NUDT3: variants seen among roughly 807,000 people sequenced by gnomAD.
NUDT3 encodes nudix hydrolase 3, also known as diphosphoinositol polyphosphate phosphohydrolase 1.
Under a neutral mutation model 23.6 loss-of-function variants are expected in NUDT3, and 9 were observed. The observed-to-expected ratio is 0.38, with a 90% confidence interval of 0.23 to 0.66. The LOEUF is 0.66. Among genes scored for constraint, NUDT3 ranks in the 30% least tolerant of loss-of-function variants. NUDT3 has a pLI of 0.52. For synonymous variants in NUDT3, 86 were observed against 82.6 expected (o/e 1.04, Z -0.22); for missense variants, 172 against 218.5 (o/e 0.79, Z 1.34).
intron 1 of NUDT3, among the ~76,000 whole-genome samples, chr6:34,385,968 G>GC (rs1765098645): frequency 6.6e-6 from 1 of 152,234 alleles, no homozygotes; most frequent in Admixed American, 6.5e-5. Context: ...ATAGGCGTGA[G>GC]CCACCATGCT....
intron 1 of NUDT3, among the ~76,000 whole-genome samples, chr6:34,373,280 A>AG (rs1764864690): frequency 1.0e-5 from 1 of 100,216 alleles, no homozygotes; most frequent in South Asian, 3.3e-4. Flanking sequence ...CTCCGTCTCA[A>AG]AAAAAAAAAA....
At chr6:34,340,124 T>C (rs927046581) in intron 2 of NUDT3, among the ~76,000 whole-genome samples, 1 of 152,090 alleles carries the variant, frequency 6.6e-6, no homozygotes, top group African/African-American at 2.4e-5. Context: ...TTGAAAAGAA[T>C]GTGTAAGGAT....
intron 1 of NUDT3, among the ~76,000 whole-genome samples, chr6:34,366,467 AGAGGGAAGGGAGG>A (rs1764733156): frequency 1.2e-5 from 1 of 82,784 alleles, no homozygotes; most frequent in Admixed American, 1.8e-4. Flanking sequence ...AGAAAGAGAG[AGAGGGAAGGGAGG>A]GAGGGAGGGA....
chr6:34,321,693 C>G (rs1763944917), intron 2 of NUDT3, among the ~76,000 whole-genome samples: 1 of 152,126 alleles, frequency 6.6e-6, no homozygotes. Context: ...ATGCAAGTCA[C>G]TGAGCAGTAC....
At chr6:34,337,609 T>A (rs565665424) in intron 2 of NUDT3, among the ~76,000 whole-genome samples, 1 of 152,336 alleles carries the variant, frequency 6.6e-6, no homozygotes, top group East Asian at 1.9e-4. Flanking sequence ...GTTGCAAACA[T>A]CTGGTTTTCT....
At chr6:34,366,698 C>T (rs1456628664) in intron 1 of NUDT3, among the ~76,000 whole-genome samples, 1 of 151,896 alleles carries the variant, frequency 6.6e-6, no homozygotes, top group African/African-American at 2.4e-5. Flanking sequence ...GCTAGGACTG[C>T]AACGTGTGCC....
At chr6:34,298,338 GGC>G (rs1763546527) in intron 2 of NUDT3, among the ~76,000 whole-genome samples, 1 of 151,994 alleles carries the variant, frequency 6.6e-6, no homozygotes, top group Admixed American at 6.6e-5. Flanking sequence ...TTCCAGCCTG[GGC>G]AACAGAGACA....
intron 2 of NUDT3, among the ~76,000 whole-genome samples, chr6:34,328,507 C>A (rs1390581061): frequency 6.6e-6 from 1 of 152,134 alleles, no homozygotes; most frequent in Non-Finnish European, 1.5e-5. Flanking sequence ...TGCATATTAT[C>A]CTAATTCAAG....
At chr6:34,299,900 C>CAA (rs527665276) in intron 2 of NUDT3, among the ~76,000 whole-genome samples, 1 of 133,410 alleles carries the variant, frequency 7.5e-6, no homozygotes, top group Non-Finnish European at 1.6e-5. Context: ...GAGACTGTCT[C>CAA]AAAAAAAAAA....
intron 1 of NUDT3, among the ~76,000 whole-genome samples, chr6:34,344,763 T>C (rs1005306223): frequency 6.6e-5 from 10 of 151,894 alleles, no homozygotes; most frequent in African/African-American, 2.4e-4. Context: ...GCCATTCTCC[T>C]GCCTCAGCCT....
At chr6:34,306,603 C>T (rs959389011) in intron 2 of NUDT3, among the ~76,000 whole-genome samples, 4 of 152,224 alleles carry the variant, frequency 2.6e-5, no homozygotes, top group African/African-American at 9.6e-5. Context: ...CATTTCATTT[C>T]GCAGAAGGCG....
At position 34,392,572 on chromosome 6, in the gene NUDT3, C is replaced by A; in HGVS notation, c.-210G>T. 1 of 353,104 alleles carries A rather than the reference C, an allele frequency of 2.8e-6. No homozygotes were observed. The highest frequency in any genetic ancestry group is 7.8e-4 in the Middle Eastern group (1 of 1,276). The allele number at this position is 353,104 out of a possible 1,614,324, so 21.9% of individuals were successfully genotyped here. On this transcript the variant is annotated 5_prime_UTR_variant, in exon 1 of 5. Transcript: ENST00000607016. ...CGCGCCGCCGCTGCCACCGTCACGG[C>A]TGCCGTCTCCGCTGCCGCCAGGGCC...
At chr6:34,368,489 T>C (rs1218203111) in intron 1 of NUDT3, among the ~76,000 whole-genome samples, 1 of 152,206 alleles carries the variant, frequency 6.6e-6, no homozygotes, top group African/African-American at 2.4e-5. Flanking sequence ...AAGTCTGGTT[T>C]ATTTGGCTGT....
intron 2 of NUDT3, among the ~76,000 whole-genome samples, chr6:34,310,131 G>A (rs1763748758): frequency 6.6e-6 from 1 of 152,146 alleles, no homozygotes; most frequent in Admixed American, 6.5e-5. Context: ...TACTCAGGAG[G>A]CTGAGGCTGG....
intron 2 of NUDT3, among the ~76,000 whole-genome samples, chr6:34,339,102 G>A (rs1431564742): frequency 2.0e-5 from 3 of 152,108 alleles, no homozygotes; most frequent in African/African-American, 7.2e-5. Context: ...TAACACTATA[G>A]CTGCCAATTC....
chr6:34,356,321 TC>T (rs1764560743), intron 1 of NUDT3, among the ~76,000 whole-genome samples: 1 of 152,228 alleles, frequency 6.6e-6, no homozygotes, highest in African/African-American at 2.4e-5. Flanking sequence ...TTATAGTTGT[TC>T]ACAATATTCC....
chr6:34,323,818 G>T (rs1349791438), intron 2 of NUDT3, among the ~76,000 whole-genome samples: 1 of 152,106 alleles, frequency 6.6e-6, no homozygotes, highest in Non-Finnish European at 1.5e-5. Flanking sequence ...TACTATTTTT[G>T]AATTTTTCTT....
chr6:34,391,902 A>C (rs557722196), intron 1 of NUDT3, among the ~76,000 whole-genome samples: 1 of 151,900 alleles, frequency 6.6e-6, no homozygotes, highest in South Asian at 2.1e-4. Flanking sequence ...ACAACTGCGG[A>C]GCGGCCCTTC....
intron 1 of NUDT3, among the ~76,000 whole-genome samples, chr6:34,357,109 GT>G (rs1344499609): frequency 1.3e-5 from 2 of 152,100 alleles, no homozygotes; most frequent in East Asian, 3.9e-4. Flanking sequence ...ACAGTATTCT[GT>G]TTTAGAAGTA....
Sources: gnomAD v4.1 joint callset for allele counts (sites outside exome capture counted in the v4.1 genomes callset) on GRCh38, gnomAD v4.1.1 for gene constraint, MANE v1.5 for transcripts, NCBI Gene and HGNC (gene_info 2026-07-23, HGNC 2026-07-21) for gene names.